Variants in STK40 observed in about 807,000 individuals in gnomAD.
STK40 encodes serine/threonine kinase 40.
Under a neutral mutation model 47.9 loss-of-function variants are expected in STK40, and 13 were observed. That is an observed-to-expected ratio of 0.27 (90% confidence interval 0.18 to 0.43). The LOEUF (loss-of-function observed/expected upper bound fraction) is 0.43, where lower values mean the gene tolerates loss of function less well. STK40 is among the 20% of genes least tolerant of loss of function. The pLI is 1.00. For synonymous variants in STK40, 225 were observed against 243.2 expected, an observed-to-expected ratio of 0.93 and a Z score of 0.69; for missense variants, 460 against 595.1, an observed-to-expected ratio of 0.77 and a Z score of 2.36.
At chr1:36,342,015 A>G in intron 10 of STK40, 42 bp from the exon 11 acceptor site, 1 of 1,554,272 alleles carries the variant, frequency 6.4e-7, no homozygotes, top group Non-Finnish European at 8.8e-7. Context: ...AGATAAACCC[A>G]GATGAAGGCA....
intron 1 of STK40, among the ~76,000 whole-genome samples, chr1:36,363,894 G>A (rs1557517139): frequency 6.6e-6 from 1 of 151,604 alleles, no homozygotes; most frequent in Non-Finnish European, 1.5e-5. Flanking sequence ...GCTCACACCT[G>A]TAATCCCAGC....
Position 36,343,891 on chromosome 1 carries a change from G to C in STK40, c.973C>G (p.Leu325Val). 6.2e-7 allele frequency: 1 copy of C among 1,605,818 alleles called. No homozygotes were observed. Among genetic ancestry groups the C allele is most frequent in the South Asian group, 1.1e-5 (1 of 90,738 alleles). Residue 325 changes from leucine to valine, a missense_variant, in exon 9 of 11, where the codon CTG becomes GTG. This residue lies in a region of STK40 where 181 missense variants were observed against 218.9 expected (regional missense o/e 0.83). Transcript: ENST00000373132. Reference sequence around the variant, plus strand: ...GCAATGATGGCACTGAGGGCCTCCAGGACGTCGGCGGCGGCCAGGCGCTGC... The same window carrying C: ...GCAATGATGGCACTGAGGGCCTCCACGACGTCGGCGGCGGCCAGGCGCTGC... ...PQQRLAAADV[L>V]EALSAIIASW...
At chr1:36,351,288 C>A (rs947284082) in intron 6 of STK40, among the ~76,000 whole-genome samples, 1 of 151,938 alleles carries the variant, frequency 6.6e-6, no homozygotes, top group African/African-American at 2.4e-5. Flanking sequence ...GCCAACACCT[C>A]CCCCTGTCTG....
At chr1:36,374,540 C>G (rs544884674) in intron 1 of STK40, among the ~76,000 whole-genome samples, 1 of 152,346 alleles carries the variant, frequency 6.6e-6, no homozygotes, top group South Asian at 2.1e-4. Context: ...AGCCCTGCCA[C>G]CAGCTCTCCC....
chr1:36,371,104 C>T (rs1646942337), intron 1 of STK40, among the ~76,000 whole-genome samples: 1 of 151,876 alleles, frequency 6.6e-6, no homozygotes, highest in Admixed American at 6.6e-5. Flanking sequence ...CTCAGAACTC[C>T]TGGACCTCAA....
chr1:36,364,087 C>G (rs1033835159), intron 1 of STK40, among the ~76,000 whole-genome samples: 13 of 151,962 alleles, frequency 8.6e-5, no homozygotes, highest in Non-Finnish European at 1.6e-4. Context: ...GGAGGCGGAG[C>G]TTGCAGTGAG....
Position 36,341,348 on chromosome 1 carries a change from C to T in STK40, c.*407G>A, listed in dbSNP as rs920163817. 2.9e-5 allele frequency: 5 copies of T among 173,302 alleles called. No individual in the cohort carries two copies. The highest frequency in any genetic ancestry group is 5.8e-5 in the Admixed American group (1 of 17,230). The allele number at this position is 173,302 out of a possible 1,614,324, so 10.7% of individuals were successfully genotyped here. ...GGGAAGCTCGCTCTGGGGCCTGCAGCGAGCTGCACTTTCAGCTTATTTGGA... is the reference window on the plus strand; with the variant it reads ...GGGAAGCTCGCTCTGGGGCCTGCAGTGAGCTGCACTTTCAGCTTATTTGGA... On this transcript the variant is annotated 3_prime_UTR_variant, in exon 11 of 11. Coordinates refer to ENST00000373132, the MANE Select transcript of STK40 (RefSeq NM_001282547.2).
chr1:36,372,423 CAAAAAA>C (rs796595993), intron 1 of STK40, among the ~76,000 whole-genome samples: 23 of 39,610 alleles, frequency 5.8e-4, no homozygotes, highest in African/African-American at 1.5e-3. Flanking sequence ...GACCTTGTCT[CAAAAAA>C]AAAAAAAAAA....
rs1307384129 is a variant in STK40 at position 36,343,351 on chromosome 1, C to A, written c.1089+13G>T. 12 of 1,609,724 alleles carry A rather than the reference C, an allele frequency of 7.5e-6. No homozygotes were observed. Among genetic ancestry groups the A allele is most frequent in the Non-Finnish European group, 1.0e-5 (12 of 1,177,708 alleles). On this transcript the variant is annotated intron_variant, in intron 10 of 10. Coordinates refer to ENST00000373132, the MANE Select transcript of STK40 (RefSeq NM_001282547.2). ...GGGGCTGGGTAATGGCCCATCTGCC[C>A]TCCCCAACTCACCTCCTGGGAGCTA...
rs1253501750 is a variant in STK40, at chr1:36,341,031, T to C, written c.*724A>G. On this transcript the variant is annotated 3_prime_UTR_variant, in exon 11 of 11. Transcript: ENST00000373132. ...ATCACCGGCAGCAGAGAGGGACTGG[T>C]GGGCTGAAAGGGGACAGGGACTGGC... 1 of 151,804 alleles carries C rather than the reference T, an allele frequency of 6.6e-6. No individual in the cohort carries two copies. The highest frequency in any genetic ancestry group is 2.4e-5 in the African/African-American group (1 of 41,102). The allele number at this position is 151,804 out of a possible 1,614,324, so 9.4% of individuals were successfully genotyped here.
rs1340524568 is a variant in STK40, at chr1:36,341,082, G to GAA, written c.*672_*673insTT. The stretch of plus-strand genomic sequence containing the variant: ...AGGAGGGGCTTCCCTGCCTGGGGGT[G>GAA]AGGAGGGAGCTCACGTGTGGGCTGT... On this transcript the variant is annotated 3_prime_UTR_variant, in exon 11 of 11. Transcript: ENST00000373132. The GAA allele has an allele frequency of 2.6e-5, 4 of 152,618 alleles. No homozygotes were observed. Among genetic ancestry groups the GAA allele is most frequent in the African/African-American group, 9.6e-5 (4 of 41,468 alleles). The allele number at this position is 152,618 out of a possible 1,614,324, so 9.5% of individuals were successfully genotyped here.
chr1:36,372,061 T>C (rs1646953069), intron 1 of STK40, among the ~76,000 whole-genome samples: 1 of 152,148 alleles, frequency 6.6e-6, no homozygotes, highest in Non-Finnish European at 1.5e-5. Flanking sequence ...TCCTTCTTTG[T>C]TCCTGAACAT....
In STK40 at chr1:36,341,790, T is replaced by C. The variant is rs574330868; in HGVS notation, c.1273A>G (p.Thr425Ala). The change falls in exon 11 of 11, where the codon ACG (threonine) becomes GCG (alanine). Residue 425 changes from threonine to alanine, a missense_variant. Thr to Ala is a moderately conservative substitution (Grantham distance 58). Transcript: ENST00000373132. Reference sequence around the variant, plus strand: ...AGGTAGCGCTGCGCCAGGATGGCCGTGTCCAAGGAGGTCATGGGCTGTGCG... The same window carrying C: ...AGGTAGCGCTGCGCCAGGATGGCCGCGTCCAAGGAGGTCATGGGCTGTGCG... ...HDAQPMTSLD[T>A]AILAQRYLRK 13 of 1,612,590 alleles carry C rather than the reference T, an allele frequency of 8.1e-6. No individual in the cohort carries two copies. In the South Asian group the frequency reaches 1.4e-4, roughly 18 times the overall value.
Position 36,367,244 on chromosome 1 carries a change from G to A in STK40, c.-8-5904C>T, listed in dbSNP as rs148577994. ...AGAGGCAACAATGAGGGTGAGGGGA[G>A]GAGGCCAGGAAAGAGCAAGAGAGCC... On this transcript the variant is annotated intron_variant, in intron 1 of 10. Coordinates refer to ENST00000373132, the MANE Select transcript of STK40 (RefSeq NM_001282547.2). Among the ~76,000 whole-genome samples the A allele has an allele frequency of 3.3e-5, 5 of 152,232 alleles. No homozygotes were observed. The East Asian group carries it at 9.6e-4, about 29-fold the overall frequency.
intron 4 of STK40, among the ~76,000 whole-genome samples, chr1:36,356,248 G>C (rs1188196215): frequency 6.6e-6 from 1 of 152,090 alleles, no homozygotes; most frequent in Non-Finnish European, 1.5e-5. Context: ...TGGACACAAT[G>C]GTAGCAAACT....
At chr1:36,382,981 T>G (rs911355636) in intron 1 of STK40, among the ~76,000 whole-genome samples, 5 of 152,090 alleles carry the variant, frequency 3.3e-5, no homozygotes, top group African/African-American at 1.2e-4. Flanking sequence ...AGAGTTTCGC[T>G]CTTGTTGCCC....
chr1:36,384,545 G>A (rs1235665188), intron 1 of STK40, among the ~76,000 whole-genome samples: 1 of 152,200 alleles, frequency 6.6e-6, no homozygotes, highest in Non-Finnish European at 1.5e-5. Context: ...CTGAGGCACA[G>A]GGAGACTAAG....
chr1:36,345,991 A>ATATATTTTTTTT, intron 7 of STK40, among the ~76,000 whole-genome samples: 18 of 26,468 alleles, frequency 6.8e-4, no homozygotes, highest in Non-Finnish European at 1.0e-3. Context: ...ATATATATAT[A>ATATATTTTTTTT]TTTTTTTTTT....
At chr1:36,348,160 C>T (rs1048571152) in intron 7 of STK40, among the ~76,000 whole-genome samples, 47 of 152,328 alleles carry the variant, frequency 3.1e-4, no homozygotes, top group African/African-American at 1.0e-3. Flanking sequence ...CACAGCAGCA[C>T]ACTCAGTTAA....
Sources: gnomAD v4.1 joint callset for allele counts (sites outside exome capture counted in the v4.1 genomes callset) on GRCh38, gnomAD v4.1.1 for gene constraint, gnomAD v4.1.1 regional missense constraint, MANE v1.5 for transcripts, NCBI Gene and HGNC (gene_info 2026-07-23, HGNC 2026-07-21) for gene names.